The following LINC00632 variants were observed in gnomAD, a reference collection of about 807,000 sequenced individuals.
The protein encoded by LINC00632 is ALDOA related specific transcript.
intron 3 of LINC00632, among the ~76,000 whole-genome samples, chrX:140,771,830 C>A (rs1192514519): frequency 9.9e-6 from 1 of 101,122 alleles, no homozygotes; most frequent in African/African-American, 3.5e-5. Context: ...TAGGCATGTG[C>A]CACCATGCCC....
intron 3 of LINC00632, among the ~76,000 whole-genome samples, chrX:140,747,368 A>G (rs1931340985): frequency 9.1e-6 from 1 of 110,013 alleles, no homozygotes; most frequent in Non-Finnish European, 1.9e-5. Context: ...TCTCTACTAA[A>G]AATACAAAAA....
rs184294471 is a variant in LINC00632, at chrX:140,788,676, A to G, written n.16695A>G. On this transcript the variant is annotated non_coding_transcript_exon_variant, in exon 5 of 5. Transcript: ENST00000648200. ...CCAAAATATGTTGAAAATACATAAC[A>G]GGGAGTGAAAAGAAAAGTGTTGATA... is the stretch of plus-strand genomic sequence containing the variant. Among the ~76,000 whole-genome samples the G allele has an allele frequency of 3.7e-5, 4 of 108,730 alleles. No homozygotes were observed. In the East Asian group the frequency reaches 1.1e-3, roughly 31 times the overall value. The allele number at this position is 108,730 out of a possible 115,157, so 94.4% of individuals were successfully genotyped here. A position where few individuals can be genotyped will look rare whatever the true frequency, so the allele number is the denominator to read the frequency against.
At position 140,745,586 on chromosome X, in the gene LINC00632, G is replaced by A. The variant is rs151151225; in HGVS notation, n.191+11622G>A. On this transcript the variant is annotated intron_variant and non_coding_transcript_variant, in intron 3 of 4. Transcript: ENST00000648200. The stretch of plus-strand genomic sequence containing the variant: ...GTCAGATTGCATTGTCGATTCAGCC[G>A]TAGTTTCCAGACAGTCTAAACCCAG... Among the ~76,000 whole-genome samples the A allele has an allele frequency of 1.3e-4, 14 of 111,309 alleles. No homozygotes were observed. In the East Asian group the frequency reaches 3.1e-3, roughly 25 times the overall value.
chrX:140,726,503 C>T (rs1220544195), intron 2 of LINC00632, among the ~76,000 whole-genome samples: 1 of 112,021 alleles, frequency 8.9e-6, no homozygotes, highest in Non-Finnish European at 1.9e-5. Flanking sequence ...TGCAGCACAA[C>T]ACGTAGATTT....
At chrX:140,785,557 C>T (rs772277792) in exon 5 of LINC00632, among the ~76,000 whole-genome samples, 2 of 112,244 alleles carry the variant, frequency 1.8e-5, no homozygotes, top group East Asian at 2.8e-4. Context: ...TATACAATCC[C>T]GTATACAAAT....
chrX:140,784,164 TC>T (rs1931980999), exon 5 of LINC00632: 1 of 1,210,420 alleles, frequency 8.3e-7, no homozygotes, highest in East Asian at 3.0e-5. Context: ...TTCCGAAAAA[TC>T]CAGGTCTTCC....
chrX:140,761,508 C>T (rs1346274800), intron 3 of LINC00632, among the ~76,000 whole-genome samples: 4 of 112,316 alleles, frequency 3.6e-5, no homozygotes, highest in South Asian at 7.4e-4. Context: ...CTTACACTGT[C>T]GAAGCTCTAA....
At chrX:140,771,018 G>T (rs1931779884) in intron 3 of LINC00632, among the ~76,000 whole-genome samples, 1 of 111,805 alleles carries the variant, frequency 8.9e-6, no homozygotes, top group African/African-American at 3.3e-5. Context: ...GAAACTCTCA[G>T]GCTCTAGAGA....
exon 5 of LINC00632, among the ~76,000 whole-genome samples, chrX:140,790,467 A>ATGTT (rs1932091837): frequency 9.0e-6 from 1 of 111,182 alleles, no homozygotes; most frequent in Non-Finnish European, 1.9e-5. Flanking sequence ...CTGTAGCATT[A>ATGTT]TGTTTTGACA....
chrX:140,723,592 T>C (rs867644346), intron 2 of LINC00632, among the ~76,000 whole-genome samples: 1 of 1,272 alleles, frequency 7.9e-4, no homozygotes. Flanking sequence ...ACACATTCCA[T>C]ACACAGACAC....
chrX:140,789,047 A>G (rs1932068156), exon 5 of LINC00632, among the ~76,000 whole-genome samples: 1 of 107,936 alleles, frequency 9.3e-6, no homozygotes, highest in African/African-American at 3.3e-5. Flanking sequence ...TCCTAATCCT[A>G]TCTATCTCCC....
chrX:140,748,877 AAAAATATATAAAAT>A (rs917793451), intron 3 of LINC00632, among the ~76,000 whole-genome samples: 1 of 22,420 alleles, frequency 4.5e-5, no homozygotes, highest in African/African-American at 8.1e-5. Context: ...AAATGTATAT[AAAAATATATAAAAT>A]AAAATATATA....
exon 5 of LINC00632, among the ~76,000 whole-genome samples, chrX:140,774,615 C>T (rs1398179296): frequency 8.9e-6 from 1 of 111,776 alleles, no homozygotes; most frequent in Non-Finnish European, 1.9e-5. Context: ...TATTCTTTCC[C>T]TGTTACTATT....
intron 2 of LINC00632, among the ~76,000 whole-genome samples, chrX:140,721,949 A>G (rs930216765): frequency 9.0e-6 from 1 of 110,871 alleles, no homozygotes; most frequent in Non-Finnish European, 1.9e-5. Flanking sequence ...GAAACATCAC[A>G]TATCACTCAA....
chrX:140,728,691 A>G (rs1931007160), intron 2 of LINC00632, among the ~76,000 whole-genome samples: 1 of 111,785 alleles, frequency 8.9e-6, no homozygotes, highest in African/African-American at 3.3e-5. Flanking sequence ...TTGCAAATTC[A>G]TAGACATTCC....
At chrX:140,738,243 A>T (rs1192613590) in intron 3 of LINC00632, among the ~76,000 whole-genome samples, 1 of 112,004 alleles carries the variant, frequency 8.9e-6, no homozygotes, top group Non-Finnish European at 1.9e-5. Flanking sequence ...AAGAGAGAAT[A>T]CACGTAAGAG....
At chrX:140,760,725 T>C (rs1189373979) in intron 3 of LINC00632, among the ~76,000 whole-genome samples, 2 of 111,268 alleles carry the variant, frequency 1.8e-5, no homozygotes, top group African/African-American at 6.5e-5. Flanking sequence ...GAGCAACCTA[T>C]ATATAATATA....
exon 5 of LINC00632, among the ~76,000 whole-genome samples, chrX:140,777,007 G>A (rs1442994944): frequency 1.8e-5 from 2 of 109,904 alleles, no homozygotes; most frequent in Non-Finnish European, 3.8e-5. Flanking sequence ...GGATGAAGCT[G>A]GAAGCCATCA....
At chrX:140,723,615 C>CACACACACATTCCAT (rs1395595264) in intron 2 of LINC00632, among the ~76,000 whole-genome samples, 2 of 19,314 alleles carry the variant, frequency 1.0e-4, no homozygotes, top group East Asian at 1.6e-3. Flanking sequence ...ATTCCATAAA[C>CACACACACATTCCAT]ACACACACAT....
Sources: gnomAD v4.1 joint callset for allele counts (sites outside exome capture counted in the v4.1 genomes callset) on GRCh38, gnomAD v4.1.1 for gene constraint, MANE v1.5 for transcripts, NCBI Gene and HGNC (gene_info 2026-07-23, HGNC 2026-07-21) for gene names.